The following CNTNAP5 variants were observed in gnomAD, a reference collection of about 807,000 sequenced individuals.
CNTNAP5 encodes the protein contactin associated protein family member 5.
In CNTNAP5, 72 loss-of-function variants were observed where a neutral mutation model predicts 150.2. That is an observed-to-expected ratio of 0.48 (90% CI 0.40 to 0.58). CNTNAP5 has a LOEUF of 0.58. Ranked by LOEUF, CNTNAP5 falls within the 20% of genes least tolerant of loss-of-function variation. The pLI, the probability that CNTNAP5 is intolerant of heterozygous loss-of-function variation, is 0.00. For missense variants in CNTNAP5, 1,636 were observed against 1,626.2 expected, an observed-to-expected ratio of 1.01 and a Z score of -0.10; for synonymous variants, 672 against 619.8, an observed-to-expected ratio of 1.08 and a Z score of -1.25.
At chr2:124,778,308 G>T (rs555929822) in intron 17 of CNTNAP5, 3 of 152,252 alleles carry the variant, frequency 2.0e-5, no homozygotes, top group African/African-American at 4.8e-5. Flanking sequence ...ACTCAGAGGA[G>T]GTGAGAAAGC....
intron 1 of CNTNAP5, among the ~76,000 whole-genome samples, chr2:124,140,341 C>T (rs2104615808): frequency 6.6e-6 from 1 of 151,932 alleles, no homozygotes; most frequent in South Asian, 2.1e-4. Flanking sequence ...GGGCAGGGCA[C>T]AGTCAAACAA....
Position 124,417,449 on chromosome 2 carries a change from G to C in CNTNAP5, c.388G>C (p.Ala130Pro). Residue 130 changes from alanine (A) to proline (P), a missense_variant, in exon 4 of 24, where the codon GCA becomes CCA. Coordinates refer to ENST00000682447, the MANE Select transcript of CNTNAP5 (RefSeq NM_001367498.1). Reference protein sequence around the residue: ...YKQEDSIWTFAGNMNADSVVH... With the variant: ...YKQEDSIWTFPGNMNADSVVH... ...TCTCCTTTCTTCTCTGCAGACCTTT[G>C]CAGGAAACATGAATGCTGACAGCGT... 6.2e-7 allele frequency: 1 copy of C among 1,613,828 alleles called. No individual in the cohort carries two copies. Among genetic ancestry groups the C allele is most frequent in the Non-Finnish European group, 8.5e-7 (1 of 1,179,770 alleles).
chr2:124,856,102 G>GTT (rs1677367421), intron 19 of CNTNAP5, among the ~76,000 whole-genome samples: 1 of 151,716 alleles, frequency 6.6e-6, no homozygotes, highest in Admixed American at 6.6e-5. Flanking sequence ...GTGTGTGTGT[G>GTT]TGTGTGTGTG....
intron 11 of CNTNAP5, among the ~76,000 whole-genome samples, chr2:124,599,067 C>T (rs931267804): frequency 1.1e-4 from 17 of 152,168 alleles, no homozygotes; most frequent in Admixed American, 2.0e-4. Flanking sequence ...GAGATGAACC[C>T]GGTACCTCAG....
intron 13 of CNTNAP5, among the ~76,000 whole-genome samples, chr2:124,713,243 C>CTTTTTTTCTTTCTTTCTT (rs1280851827): frequency 7.7e-5 from 5 of 65,196 alleles, no homozygotes; most frequent in East Asian, 4.6e-4. Flanking sequence ...TTCTTTCTTT[C>CTTTTTTTCTTTCTTTCTT]TCTTTCTTTC....
chr2:124,141,734 A>G (rs1558772276), intron 1 of CNTNAP5, among the ~76,000 whole-genome samples: 1 of 23,300 alleles, frequency 4.3e-5, no homozygotes, highest in Non-Finnish European at 8.5e-5. Flanking sequence ...GCATCAACTA[A>G]TGAGCAAAAT....
At chr2:124,122,661 T>A (rs185574769) in intron 1 of CNTNAP5, among the ~76,000 whole-genome samples, 59 of 152,248 alleles carry the variant, frequency 3.9e-4, no homozygotes, top group African/African-American at 1.3e-3. Flanking sequence ...TTCGATTTAC[T>A]GGATGCTTAT....
At chr2:124,566,371 A>G (rs1696023785) in intron 11 of CNTNAP5, among the ~76,000 whole-genome samples, 1 of 152,172 alleles carries the variant, frequency 6.6e-6, no homozygotes, top group South Asian at 2.1e-4. Context: ...CTCTATGGAT[A>G]CTGTTCTCCT....
At position 124,242,300 on chromosome 2, in the gene CNTNAP5, A is replaced by G. The variant is rs1241038832; in HGVS notation, c.288A>G (p.Arg96=). ...VEITAVATQG[R]YGSSDWVTSY... is the part of the protein sequence containing the mutation. ...TTACAGCAGTGGCCACGCAGGGAAG[A>G]TACGGAAGCTCTGACTGGGTGACGA... Residue 96 remains arginine, a synonymous_variant, in exon 3 of 24, where the codon AGA becomes AGG. Transcript: ENST00000682447. 6.2e-7 allele frequency: 1 copy of G among 1,612,756 alleles called. No individual in the cohort carries two copies. Among genetic ancestry groups the G allele is most frequent in the Non-Finnish European group, 8.5e-7 (1 of 1,179,520 alleles).
At chr2:124,428,371 C>T (rs1384049132) in intron 4 of CNTNAP5, among the ~76,000 whole-genome samples, 5 of 152,182 alleles carry the variant, frequency 3.3e-5, no homozygotes, top group Admixed American at 6.5e-5. Context: ...GCTTAGTCCT[C>T]GAGAGCAGGG....
chr2:124,482,829 C>A (rs529007269), intron 7 of CNTNAP5, among the ~76,000 whole-genome samples: 1 of 152,286 alleles, frequency 6.6e-6, no homozygotes, highest in South Asian at 2.1e-4. Flanking sequence ...AGGGTCAAAG[C>A]GCTTCCCCAG....
chr2:124,099,750 G>A (rs1171199905), intron 1 of CNTNAP5, among the ~76,000 whole-genome samples: 1 of 152,120 alleles, frequency 6.6e-6, no homozygotes, highest in Non-Finnish European at 1.5e-5. Context: ...GCAGAAGAGG[G>A]GCAGGCACCT....
intron 1 of CNTNAP5, among the ~76,000 whole-genome samples, chr2:124,072,374 T>C (rs927413590): frequency 6.6e-6 from 1 of 151,976 alleles, no homozygotes; most frequent in African/African-American, 2.4e-5. Flanking sequence ...CTGGTAGTCC[T>C]AGCTAGAACA....
At chr2:124,523,042 A>G (rs533420538) in intron 8 of CNTNAP5, among the ~76,000 whole-genome samples, 2 of 152,270 alleles carry the variant, frequency 1.3e-5, no homozygotes, top group Admixed American at 6.5e-5. Flanking sequence ...TCCTCCTTGC[A>G]TATGTCTCTG....
chr2:124,434,415 T>C (rs1692471529), intron 4 of CNTNAP5, 69 bp from the exon 5 acceptor site: 2 of 1,176,650 alleles, frequency 1.7e-6, no homozygotes, highest in South Asian at 2.5e-5. Context: ...TGAAATAAGA[T>C]GGGAAACAGT....
chr2:124,649,781 G>A (rs1160975565), intron 13 of CNTNAP5, among the ~76,000 whole-genome samples: 4 of 152,098 alleles, frequency 2.6e-5, no homozygotes, highest in Non-Finnish European at 5.9e-5. Flanking sequence ...ATCTGAGGAT[G>A]GAAGAAAAAA....
chr2:124,129,252 A>G lies in CNTNAP5; in HGVS notation c.83-92453A>G, dbSNP rs74802121. Among the ~76,000 whole-genome samples the G allele has an allele frequency of 3.0e-3, 457 of 152,280 alleles. 3 individuals carry two copies. Among genetic ancestry groups the G allele is most frequent in the East Asian group, 0.019 (100 of 5,182 alleles). On this transcript the variant is annotated intron_variant, in intron 1 of 23. Transcript: ENST00000682447. ...GTTATAAGCATATTACTTAGAAAAA[A>G]AAGTAGATGAAGGTGTAATTCTTCT...
chr2:124,496,509 G>A (rs1001118507), intron 7 of CNTNAP5, among the ~76,000 whole-genome samples: 1 of 152,164 alleles, frequency 6.6e-6, no homozygotes, highest in African/African-American at 2.4e-5. Flanking sequence ...CCAGGGTGTT[G>A]TGGCGTCTAG....
intron 1 of CNTNAP5, among the ~76,000 whole-genome samples, chr2:124,157,871 C>T (rs910262146): frequency 9.9e-5 from 15 of 152,148 alleles, no homozygotes; most frequent in African/African-American, 3.1e-4. Flanking sequence ...AATATCTCTG[C>T]CAAGAACTGC....
Sources: gnomAD v4.1 joint callset for allele counts (sites outside exome capture counted in the v4.1 genomes callset) on GRCh38, gnomAD v4.1.1 for gene constraint, MANE v1.5 for transcripts, NCBI Gene and HGNC (gene_info 2026-07-23, HGNC 2026-07-21) for gene names.